ASIC2: variants seen among roughly 807,000 people sequenced by gnomAD.
The protein encoded by ASIC2 is acid-sensing ion channel 2.
ASIC2 carries 25 observed loss-of-function variants against 57.3 expected under a neutral mutation model. The ratio of observed to expected loss-of-function variants is 0.44; its 90% CI spans 0.32 to 0.61. The LOEUF (loss-of-function observed/expected upper bound fraction) is 0.61, where lower values mean the gene tolerates loss of function less well. Among genes scored for constraint, ASIC2 ranks in the 20% least tolerant of loss-of-function variants. The pLI, the probability that ASIC2 is intolerant of heterozygous loss-of-function variation, is 0.06. For synonymous variants in ASIC2, 319 were observed against 307.5 expected, an observed-to-expected ratio of 1.04 and a Z score of -0.39; for missense variants, 641 against 738.1, an observed-to-expected ratio of 0.87 and a Z score of 1.52.
At chr17:33,104,428 C>T (rs1418212509) in intron 2 of ASIC2, among the ~76,000 whole-genome samples, 1 of 152,170 alleles carries the variant, frequency 6.6e-6, no homozygotes, top group East Asian at 1.9e-4. Flanking sequence ...CCAACCAGCA[C>T]TTTTAATCCC....
At chr17:33,848,239 A>C (rs1913668028) in intron 1 of ASIC2, among the ~76,000 whole-genome samples, 1 of 151,938 alleles carries the variant, frequency 6.6e-6, no homozygotes, top group Admixed American at 6.5e-5. Context: ...GGGCCCCCGA[A>C]GCAGCCACGT....
At chr17:33,065,032 G>T (rs1432178143) in intron 3 of ASIC2, among the ~76,000 whole-genome samples, 1 of 152,106 alleles carries the variant, frequency 6.6e-6, no homozygotes, top group Non-Finnish European at 1.5e-5. Context: ...CTTGGGGAAG[G>T]TCATTAAATT....
At chr17:33,895,100 C>A (rs887350176) in intron 1 of ASIC2, among the ~76,000 whole-genome samples, 1 of 152,044 alleles carries the variant, frequency 6.6e-6, no homozygotes, top group African/African-American at 2.4e-5. Flanking sequence ...GCTGTCCAGT[C>A]CTCCTTTGGA....
At chr17:33,446,842 G>C (rs1912040431) in intron 1 of ASIC2, among the ~76,000 whole-genome samples, 1 of 152,188 alleles carries the variant, frequency 6.6e-6, no homozygotes, top group Non-Finnish European at 1.5e-5. Context: ...CTGCCTCTTA[G>C]TCGTGGCATG....
chr17:33,522,062 A>G (rs1220820156), intron 1 of ASIC2, among the ~76,000 whole-genome samples: 2 of 152,274 alleles, frequency 1.3e-5, no homozygotes, highest in East Asian at 3.9e-4. Flanking sequence ...GGGGCTGCAT[A>G]GAGGAGCATC....
At chr17:33,375,351 T>C (rs1909237680) in intron 1 of ASIC2, among the ~76,000 whole-genome samples, 1 of 147,914 alleles carries the variant, frequency 6.8e-6, no homozygotes, top group Non-Finnish European at 1.5e-5. Flanking sequence ...GTGCCTAGCA[T>C]GTTCAAGAAG....
chr17:33,627,957 G>A lies in ASIC2; in HGVS notation c.556-515890C>T, dbSNP rs1350460895. Among the ~76,000 whole-genome samples the A allele has an allele frequency of 2.0e-5, 3 of 152,108 alleles. No homozygotes were observed. The South Asian group carries it at 6.2e-4, about 32-fold the overall frequency. On this transcript the variant is annotated intron_variant, in intron 1 of 9. Transcript: ENST00000359872. Reference sequence around the variant, plus strand: ...AGGCAGGAGAATGGCGTGAACCTGGGAGGCGGAGCTTGCAGTGAGCTGAGA... The same window carrying A: ...AGGCAGGAGAATGGCGTGAACCTGGAAGGCGGAGCTTGCAGTGAGCTGAGA...
intron 1 of ASIC2, among the ~76,000 whole-genome samples, chr17:33,711,333 G>A (rs1370119993): frequency 3.3e-5 from 5 of 152,158 alleles, no homozygotes; most frequent in Non-Finnish European, 2.9e-5. Context: ...TCATGGATAC[G>A]TGAGCTTCTC....
At chr17:33,995,768 G>A (rs564472398) in intron 1 of ASIC2, among the ~76,000 whole-genome samples, 10 of 152,098 alleles carry the variant, frequency 6.6e-5, no homozygotes, top group African/African-American at 2.2e-4. Context: ...TGGACACTTA[G>A]GTTGGTTTCA....
At chr17:33,353,301 C>A (rs1234659191) in intron 1 of ASIC2, among the ~76,000 whole-genome samples, 1 of 152,110 alleles carries the variant, frequency 6.6e-6, no homozygotes, top group Admixed American at 6.6e-5. Context: ...TGACCCTCGA[C>A]CTCTACCTGT....
chr17:33,529,674 C>G (rs933794624), intron 1 of ASIC2: 13 of 152,192 alleles, frequency 8.5e-5, no homozygotes, highest in Admixed American at 2.0e-4. Flanking sequence ...CCACAGTTAT[C>G]AAGAGAAGAA....
At chr17:33,388,450 C>T (rs1909774592) in intron 1 of ASIC2, among the ~76,000 whole-genome samples, 1 of 152,240 alleles carries the variant, frequency 6.6e-6, no homozygotes, top group African/African-American at 2.4e-5. Flanking sequence ...GATCAAAGTA[C>T]ACCCATACCA....
intron 1 of ASIC2, among the ~76,000 whole-genome samples, chr17:33,573,495 C>T (rs888046567): frequency 4.6e-5 from 7 of 152,180 alleles, no homozygotes; most frequent in African/African-American, 1.7e-4. Context: ...ATTATGCTTC[C>T]AGCACATGTG....
At chr17:34,029,002 C>T (rs1183710701) in intron 1 of ASIC2, among the ~76,000 whole-genome samples, 1 of 152,154 alleles carries the variant, frequency 6.6e-6, no homozygotes, top group East Asian at 1.9e-4. Flanking sequence ...AGCCTTGTAG[C>T]TCCATCAACT....
At chr17:33,575,418 A>C (rs1314512483) in intron 1 of ASIC2, among the ~76,000 whole-genome samples, 1 of 152,312 alleles carries the variant, frequency 6.6e-6, no homozygotes, top group East Asian at 1.9e-4. Context: ...GTGTGATATA[A>C]AGGAATATTT....
intron 1 of ASIC2, among the ~76,000 whole-genome samples, chr17:33,442,438 C>T (rs1030518142): frequency 6.6e-6 from 1 of 152,074 alleles, no homozygotes; most frequent in African/African-American, 2.4e-5. Flanking sequence ...TAATTTATCT[C>T]AGCAATGTTT....
At position 33,021,319 on chromosome 17, in the gene ASIC2, A is replaced by G. The variant is rs1190082066; in HGVS notation, c.1350-9T>C. The G allele has an allele frequency of 6.3e-7, 1 of 1,590,640 alleles. No homozygotes were observed. Among genetic ancestry groups the G allele is most frequent in the Admixed American group, 1.7e-5 (1 of 59,926 alleles). On this transcript the variant is annotated splice_polypyrimidine_tract_variant and intron_variant, in intron 6 of 9. Coordinates refer to ENST00000225823, the MANE Select transcript of ASIC2 (RefSeq NM_183377.2). The stretch of plus-strand genomic sequence containing the variant: ...GAACAAGGATGTTCTCTCTGCAGAG[A>G]GAATAGTCAGTACCATACATGGTTA...
chr17:33,236,841 T>C (rs1022924711), intron 1 of ASIC2, among the ~76,000 whole-genome samples: 2 of 152,176 alleles, frequency 1.3e-5, no homozygotes, highest in African/African-American at 4.8e-5. Flanking sequence ...AAGGAACTCC[T>C]GCAGCCACCA....
At position 33,833,182 on chromosome 17, in the gene ASIC2, G is replaced by A. The variant is rs1426272728; in HGVS notation, c.555+322796C>T. On this transcript the variant is annotated intron_variant, in intron 1 of 9. Coordinates refer to the ASIC2 transcript ENST00000359872. ...AGAAAATTTAATTTTCTTTGATGGAGGTGGTTTTTATGGAGGGGCAATAGG... is the reference window on the plus strand; with the variant it reads ...AGAAAATTTAATTTTCTTTGATGGAAGTGGTTTTTATGGAGGGGCAATAGG... 2.0e-5 allele frequency among the ~76,000 whole-genome samples: 3 copies of A among 152,146 alleles called. No homozygotes were observed. The East Asian group carries it at 5.8e-4, about 29-fold the overall frequency.
Sources: gnomAD v4.1 joint callset for allele counts (sites outside exome capture counted in the v4.1 genomes callset) on GRCh38, gnomAD v4.1.1 for gene constraint, MANE v1.5 for transcripts, NCBI Gene and HGNC (gene_info 2026-07-23, HGNC 2026-07-21) for gene names.